Variants in PCK1 observed in about 807,000 individuals in gnomAD.
PCK1 encodes phosphoenolpyruvate carboxykinase, cytosolic [GTP].
In PCK1, 44 loss-of-function variants were observed where a neutral mutation model predicts 50.3. The observed-to-expected ratio is 0.87, with a 90% CI of 0.69 to 1.12. The LOEUF is 1.12. PCK1 is among the 50% of genes most tolerant of loss of function. The pLI, the probability that PCK1 is intolerant of heterozygous loss-of-function variation, is 0.00. For missense variants in PCK1, 790 were observed against 815.0 expected (o/e 0.97, Z 0.37); for synonymous variants, 332 against 314.3 (o/e 1.06, Z -0.59).
rs2070136273 is a variant in PCK1 at position 57,561,112 on chromosome 20, G to A, written c.-132G>A. 1 of 272,414 alleles carries A rather than the reference G, an allele frequency of 3.7e-6. No homozygotes were observed. Among genetic ancestry groups the A allele is most frequent in the South Asian group, 5.1e-5 (1 of 19,714 alleles). The allele number at this position is 272,414 out of a possible 1,614,324, so 16.9% of individuals were successfully genotyped here. A position where few individuals can be genotyped will look rare whatever the true frequency, so the allele number is the denominator to read the frequency against. ...GCTGGGAGGTTCTGCCACCAAGCAC[G>A]GCCTTCCCACTGGGAACACAAACTT... is the stretch of plus-strand genomic sequence containing the variant. On this transcript the variant is annotated 5_prime_UTR_variant, in exon 1 of 10. Coordinates refer to ENST00000319441, the MANE Select transcript of PCK1 (RefSeq NM_002591.4).
rs964359118 is a variant in PCK1 at position 57,565,837 on chromosome 20, T to C, written c.*33T>C. 1 of 1,503,414 alleles carries C rather than the reference T, an allele frequency of 6.7e-7. No individual in the cohort carries two copies. The highest frequency in any genetic ancestry group is 2.3e-5 in the East Asian group (1 of 43,948). The allele number at this position is 1,503,414 out of a possible 1,614,324, so 93.1% of individuals were successfully genotyped here. Reference sequence around the variant, plus strand: ...CTGAGTGCTTTACCTTTAAAATCATTCCCTTTCCCATCCATAAGGTGCAGT... The same window carrying C: ...CTGAGTGCTTTACCTTTAAAATCATCCCCTTTCCCATCCATAAGGTGCAGT... On this transcript the variant is annotated 3_prime_UTR_variant, in exon 10 of 10. Transcript: ENST00000319441.
chr20:57,563,333 A>G (rs1182848958), intron 5 of PCK1, 118 bp downstream of exon 5: 12 of 940,994 alleles, frequency 1.3e-5, no homozygotes, highest in South Asian at 8.0e-5. Context: ...TCCCGGACAG[A>G]TCGGGAAACC....
Position 57,562,207 on chromosome 20 carries a change from G to T in PCK1, c.361G>T (p.Asp121Tyr). ...SQLGRWMSEE[D>Y]FEKAFNARFP... ...GCTCGGTCGCTGGATGTCAGAGGAG[G>T]ATTTTGAGAAAGCGTTCAATGCCAG... is the stretch of plus-strand genomic sequence containing the variant. Residue 121 changes from aspartate to tyrosine, a missense_variant, in exon 3 of 10, where the codon GAT (aspartate) becomes TAT (tyrosine). Asp to Tyr is a radical substitution (Grantham distance 160). Coordinates refer to ENST00000319441, the MANE Select transcript of PCK1 (RefSeq NM_002591.4). 6.2e-7 allele frequency: 1 copy of T among 1,614,218 alleles called. No individual in the cohort carries two copies. The highest frequency in any genetic ancestry group is 8.5e-7 in the Non-Finnish European group (1 of 1,180,036).
rs2070178510 is a variant in PCK1, at chr20:57,564,054, G to T, written c.962-115G>T. 10 of 701,016 alleles carry T rather than the reference G, an allele frequency of 1.4e-5. No homozygotes were observed. The South Asian group carries it at 1.9e-4, about 13-fold the overall frequency. The allele number at this position is 701,016 out of a possible 1,614,324, so 43.4% of individuals were successfully genotyped here. ...TGAAAAGAGATAAATGCATATTCTAGGGAGGGAAAAAAGATTTGAGAAGTT... is the reference window on the plus strand; with the variant it reads ...TGAAAAGAGATAAATGCATATTCTATGGAGGGAAAAAAGATTTGAGAAGTT... On this transcript the variant is annotated intron_variant, in intron 6 of 9. Transcript: ENST00000319441.
In PCK1 at chr20:57,566,808, T is replaced by C. The variant is rs2070208783; in HGVS notation, c.*1004T>C. ...GAGGGGTCTCAGGCTTCCACAAAAATTACATTGTGGACAGTTTCATAGGAT... is the reference window on the plus strand; with the variant it reads ...GAGGGGTCTCAGGCTTCCACAAAAACTACATTGTGGACAGTTTCATAGGAT... On this transcript the variant is annotated 3_prime_UTR_variant, in exon 10 of 10. Transcript: ENST00000319441. The C allele has an allele frequency of 6.6e-6, 1 of 152,222 alleles. No individual in the cohort carries two copies. The highest frequency in any genetic ancestry group is 6.5e-5 in the Admixed American group (1 of 15,280). 9.4% of individuals were successfully genotyped at this position (152,222 alleles called of 1,614,324 possible). A position where few individuals can be genotyped will look rare whatever the true frequency, so the allele number is the denominator to read the frequency against.
At position 57,565,814 on chromosome 20, in the gene PCK1, G is replaced by T. The variant is rs2146531599; in HGVS notation, c.*10G>T. 6.3e-7 allele frequency: 1 copy of T among 1,582,870 alleles called. No homozygotes were observed. Among genetic ancestry groups the T allele is most frequent in the Non-Finnish European group, 8.6e-7 (1 of 1,162,270 alleles). On this transcript the variant is annotated 3_prime_UTR_variant, in exon 10 of 10. Transcript: ENST00000319441. ...AATAAGCCAGATGTAATCAGGGCCT[G>T]AGTGCTTTACCTTTAAAATCATTCC...
chr20:57,566,159 ATATGTGTGTGTGTG>A lies in PCK1; in HGVS notation c.*357_*370del, dbSNP rs1203730497. 1.8e-5 allele frequency: 3 copies of A among 167,466 alleles called. No homozygotes were observed. Among genetic ancestry groups the A allele is most frequent in the South Asian group, 8.7e-5 (1 of 11,510 alleles). 10.4% of individuals were successfully genotyped at this position (167,466 alleles called of 1,614,324 possible). A position where few individuals can be genotyped will look rare whatever the true frequency, so the allele number is the denominator to read the frequency against. ...AAAAAAATACTTGAGCTGTATATAT[ATATGTGTGTGTGTG>A]TGTGTGTGTGTGTGTGTGTGTGTGC... On this transcript the variant is annotated 3_prime_UTR_variant, in exon 10 of 10. Coordinates refer to ENST00000319441, the MANE Select transcript of PCK1 (RefSeq NM_002591.4).
Position 57,564,150 on chromosome 20 carries a change from CT to C in PCK1, c.962-18del. On this transcript the variant is annotated intron_variant, in intron 6 of 9. Coordinates refer to ENST00000319441, the MANE Select transcript of PCK1 (RefSeq NM_002591.4). ...TTGCCTGGCACTCACTACTGCTTCT[CT>C]GGTTTAAAACTCTCCAGGTCATTTA... 1 of 1,567,636 alleles carries C rather than the reference CT, an allele frequency of 6.4e-7. No homozygotes were observed. The highest frequency in any genetic ancestry group is 1.7e-5 in the Admixed American group (1 of 59,278).
At chr20:57,564,699 T>C (rs1402864995) in intron 8 of PCK1, 86 bp downstream of exon 8, 2 of 1,224,710 alleles carry the variant, frequency 1.6e-6, no homozygotes, top group Non-Finnish European at 2.3e-6. Context: ...TCCATGACCT[T>C]GTCAGAGGGT....
At chr20:57,562,309 A>T in intron 3 of PCK1, 57 bp downstream of exon 3, 1 of 1,407,140 alleles carries the variant, frequency 7.1e-7, no homozygotes, top group Non-Finnish European at 9.9e-7. Flanking sequence ...TCTTATTTAC[A>T]TCTATCCTAA....
At chr20:57,564,637 TG>T in intron 8 of PCK1, 24 bp downstream of exon 8, 1 of 1,556,418 alleles carries the variant, frequency 6.4e-7, no homozygotes, top group Non-Finnish European at 8.7e-7. Context: ...TCATTTAGGC[TG>T]GGAACATGGG....
In PCK1 at chr20:57,562,631, A is replaced by C. The variant is rs1040566; in HGVS notation, c.407-65A>C. 0.1 allele frequency: 144,723 copies of C among 1,401,362 alleles called. 9,549 individuals carry two copies. The highest frequency in any genetic ancestry group is 0.3 in the African/African-American group (21,468 of 70,968). 86.8% of individuals were successfully genotyped at this position (1,401,362 alleles called of 1,614,324 possible). A position where few individuals can be genotyped will look rare whatever the true frequency, so the allele number is the denominator to read the frequency against. On this transcript the variant is annotated intron_variant, in intron 3 of 9. Transcript: ENST00000319441. ...GTGAAAATGGGTCTACCTGGGAAAA[A>C]AATGCTGGTCGTGTTCGAAGTCCAA... is the stretch of plus-strand genomic sequence containing the variant.
rs1600706346 is a variant in PCK1, at chr20:57,562,188, T to C, written c.342T>C (p.Gly114=). The change falls in exon 3 of 10, where the codon GGT becomes GGC. Residue 114 remains glycine (G), a synonymous_variant. Coordinates refer to ENST00000319441, the MANE Select transcript of PCK1 (RefSeq NM_002591.4). ...CCAAAACAGGCCTCAGCCAGCTCGG[T>C]CGCTGGATGTCAGAGGAGGATTTTG... ...PIPKTGLSQL[G]RWMSEEDFEK... is the part of the protein sequence containing the mutation. 6.2e-7 allele frequency: 1 copy of C among 1,614,140 alleles called. No homozygotes were observed. Among genetic ancestry groups the C allele is most frequent in the East Asian group, 2.2e-5 (1 of 44,890 alleles).
At position 57,561,487 on chromosome 20, in the gene PCK1, G is replaced by A. The variant is rs2146526094; in HGVS notation, c.76G>A (p.Ala26Thr). Residue 26 changes from alanine (A) to threonine (T), a missense_variant, in exon 2 of 10, where the codon GCA becomes ACA. By Grantham distance (58) the Ala-to-Thr change is moderately conservative. Transcript: ENST00000319441. ...VQGSLDSLPQ[A>T]VREFLENNAE... ...GGGAAGCCTGGACAGCCTACCCCAG[G>A]CAGTGAGGGAGTTTCTCGAGAATAA... The A allele has an allele frequency of 2.5e-6, 4 of 1,613,958 alleles. No homozygotes were observed. Among genetic ancestry groups the A allele is most frequent in the Non-Finnish European group, 3.4e-6 (4 of 1,179,958 alleles).
At chr20:57,563,526 G>A (rs1282853249) in intron 5 of PCK1, 39 bp from the exon 6 acceptor site, 1 of 1,474,882 alleles carries the variant, frequency 6.8e-7, no homozygotes. Flanking sequence ...TCGGGGAGAA[G>A]GAAACAAAGA....
In PCK1 at chr20:57,561,535, C is replaced by A. The variant is rs751329147; in HGVS notation, c.124C>A (p.His42Asn). ...ENNAELCQPD[H>N]IHICDGSEEE... is the part of the protein sequence containing the mutation. The stretch of plus-strand genomic sequence containing the variant: ...TAACGCTGAGCTGTGTCAGCCTGAT[C>A]ACATCCACATCTGTGACGGCTCTGA... Residue 42 changes from histidine to asparagine, a missense_variant, in exon 2 of 10, where the codon CAC (histidine) becomes AAC (asparagine). Coordinates refer to ENST00000319441, the MANE Select transcript of PCK1 (RefSeq NM_002591.4). The A allele has an allele frequency of 1.9e-6, 3 of 1,613,844 alleles. No individual in the cohort carries two copies. Among genetic ancestry groups the A allele is most frequent in the South Asian group, 2.2e-5 (2 of 91,066 alleles).
In PCK1 at chr20:57,563,642, C is replaced by T. The variant is rs1243174353; in HGVS notation, c.876C>T (p.Asn292=). 1 of 1,613,426 alleles carries T rather than the reference C, an allele frequency of 6.2e-7. No homozygotes were observed. The highest frequency in any genetic ancestry group is 1.7e-5 in the Admixed American group (1 of 60,012). Residue 292 remains asparagine, a synonymous_variant, in exon 6 of 10, where the codon AAC becomes AAT. Coordinates refer to ENST00000319441, the MANE Select transcript of PCK1 (RefSeq NM_002591.4). ...AAFPSACGKT[N]LAMMNPSLPG... Reference sequence around the variant, plus strand: ...TTCCCAGCGCCTGCGGGAAGACCAACCTGGCCATGATGAACCCCAGCCTCC... The same window carrying T: ...TTCCCAGCGCCTGCGGGAAGACCAATCTGGCCATGATGAACCCCAGCCTCC...
Position 57,565,090 on chromosome 20 carries a change from G to A in PCK1, c.1369G>A (p.Gly457Arg), listed in dbSNP as rs2070190545. ...ALSWQHGVFV[G>R]AAMRSEATAA... ...CAGCTGGCAACATGGAGTCTTTGTG[G>A]GGGCGGCCATGAGATCAGAGGCCAC... Residue 457 changes from glycine (G) to arginine (R), a missense_variant, in exon 9 of 10, where the codon GGG (glycine) becomes AGG (arginine). Transcript: ENST00000319441. 12 of 1,614,016 alleles carry A rather than the reference G, an allele frequency of 7.4e-6. No individual in the cohort carries two copies. Among genetic ancestry groups the A allele is most frequent in the African/African-American group, 2.7e-5 (2 of 74,996 alleles).
chr20:57,561,667 C>T, intron 2 of PCK1, 32 bp downstream of exon 2: 1 of 1,464,734 alleles, frequency 6.8e-7, no homozygotes, highest in Non-Finnish European at 9.5e-7. Flanking sequence ...TGTCCCAGCA[C>T]CCTGCAGGCA....
Sources: gnomAD v4.1 joint callset for allele counts on GRCh38, gnomAD v4.1.1 for gene constraint, MANE v1.5 for transcripts, NCBI Gene and HGNC (gene_info 2026-07-23, HGNC 2026-07-21) for gene names.